ARHGAP44: variants seen among roughly 807,000 people sequenced by gnomAD.
ARHGAP44 encodes the protein rho GTPase-activating protein 44.
ARHGAP44 carries 43 observed loss-of-function variants against 106.8 expected under a neutral mutation model. The observed-to-expected ratio is 0.40, with a 90% CI of 0.32 to 0.52. The LOEUF (loss-of-function observed/expected upper bound fraction) is 0.52. ARHGAP44 is among the 20% of genes least tolerant of loss of function. The pLI, the probability that ARHGAP44 is intolerant of heterozygous loss-of-function variation, is 0.48. For synonymous variants in ARHGAP44, 439 were observed against 410.3 expected, an observed-to-expected ratio of 1.07 and a Z score of -0.85; for missense variants, 866 against 1,050.5, an observed-to-expected ratio of 0.82 and a Z score of 2.43.
At chr17:12,932,707 T>A (rs1213085737) in intron 7 of ARHGAP44, among the ~76,000 whole-genome samples, 1 of 151,814 alleles carries the variant, frequency 6.6e-6, no homozygotes, top group African/African-American at 2.4e-5. Context: ...GGTTTCTTTC[T>A]TTCTTTTTTT....
intron 1 of ARHGAP44, among the ~76,000 whole-genome samples, chr17:12,857,175 G>T (rs957794142): frequency 1.3e-5 from 2 of 152,194 alleles, no homozygotes; most frequent in Non-Finnish European, 1.5e-5. Flanking sequence ...GCTTGTTCAT[G>T]TGCAAGGATC....
chr17:12,868,624 T>C (rs1195645339), intron 1 of ARHGAP44, among the ~76,000 whole-genome samples: 1 of 131,358 alleles, frequency 7.6e-6, no homozygotes, highest in Non-Finnish European at 1.6e-5. Context: ...TATATATATA[T>C]ATATATATGA....
intron 1 of ARHGAP44, among the ~76,000 whole-genome samples, chr17:12,811,195 C>A (rs1053499174): frequency 6.6e-6 from 1 of 151,642 alleles, no homozygotes; most frequent in African/African-American, 2.4e-5. Context: ...CGCCTGTAGT[C>A]CCAGCTACTT....
intron 6 of ARHGAP44, among the ~76,000 whole-genome samples, chr17:12,920,726 C>T (rs1033042604): frequency 6.6e-6 from 1 of 152,190 alleles, no homozygotes; most frequent in African/African-American, 2.4e-5. Context: ...CTCACCTTTT[C>T]CTGAAGCTGA....
intron 19 of ARHGAP44, among the ~76,000 whole-genome samples, chr17:12,980,508 A>G (rs969334089): frequency 9.9e-5 from 15 of 152,176 alleles, no homozygotes; most frequent in Admixed American, 2.6e-4. Context: ...ATTGTCCACA[A>G]TGATGTGTGT....
At chr17:12,847,512 C>CTTTTTTTTTT (rs58514182) in intron 1 of ARHGAP44, among the ~76,000 whole-genome samples, 2 of 125,488 alleles carry the variant, frequency 1.6e-5, no homozygotes, top group African/African-American at 6.5e-5. Flanking sequence ...TACCATCACT[C>CTTTTTTTTTT]TTTTTTTTTT....
intron 12 of ARHGAP44, among the ~76,000 whole-genome samples, chr17:12,951,232 T>C (rs536668657): frequency 7.2e-5 from 11 of 152,356 alleles, no homozygotes; most frequent in Admixed American, 2.0e-4. Flanking sequence ...TTTTAACTCC[T>C]GTAATTTTGA....
chr17:12,858,652 C>T (rs2035978056), intron 1 of ARHGAP44, among the ~76,000 whole-genome samples: 2 of 152,106 alleles, frequency 1.3e-5, no homozygotes, highest in Admixed American at 6.5e-5. Flanking sequence ...AGGACCTAAT[C>T]CCCCAGTATC....
At chr17:12,852,179 C>T (rs114636816) in intron 1 of ARHGAP44, among the ~76,000 whole-genome samples, 169 of 137,554 alleles carry the variant, frequency 1.2e-3, no homozygotes, top group African/African-American at 4.4e-3. Context: ...ACCACCCTCC[C>T]CTAAGATTAG....
At chr17:12,849,401 T>A (rs2035671243) in intron 1 of ARHGAP44, among the ~76,000 whole-genome samples, 1 of 152,054 alleles carries the variant, frequency 6.6e-6, no homozygotes, top group Non-Finnish European at 1.5e-5. Context: ...TGCCTGGTAT[T>A]TTGAATGCTT....
intron 1 of ARHGAP44, among the ~76,000 whole-genome samples, chr17:12,847,218 A>G (rs1457850574): frequency 6.6e-6 from 1 of 152,232 alleles, no homozygotes; most frequent in Admixed American, 6.5e-5. Flanking sequence ...TGATTGGCAA[A>G]TGGAGGAACT....
chr17:12,932,756 G>T (rs2038438582), intron 7 of ARHGAP44, among the ~76,000 whole-genome samples: 2 of 147,900 alleles, frequency 1.4e-5, no homozygotes, highest in African/African-American at 2.5e-5. Context: ...AGCATCATTT[G>T]TTAAATAAGC....
At chr17:12,843,224 A>G (rs1044892408) in intron 1 of ARHGAP44, among the ~76,000 whole-genome samples, 1 of 152,064 alleles carries the variant, frequency 6.6e-6, no homozygotes, top group African/African-American at 2.4e-5. Context: ...AACTCTTTCT[A>G]ATGCTAAACC....
At chr17:12,836,087 C>T (rs1256662745) in intron 1 of ARHGAP44, among the ~76,000 whole-genome samples, 1 of 152,124 alleles carries the variant, frequency 6.6e-6, no homozygotes, top group Non-Finnish European at 1.5e-5. Flanking sequence ...GTGAATAATG[C>T]TGCTATGAAT....
intron 10 of ARHGAP44, 48 bp downstream of exon 10, chr17:12,944,244 C>G (rs1219152053): frequency 1.3e-6 from 2 of 1,543,732 alleles, no homozygotes; most frequent in African/African-American, 2.7e-5. Context: ...TCTCCTCTTC[C>G]ACGAGACAGA....
At chr17:12,827,213 A>G (rs1317738626) in intron 1 of ARHGAP44, among the ~76,000 whole-genome samples, 1 of 152,156 alleles carries the variant, frequency 6.6e-6, no homozygotes. Context: ...CTTATAAAAT[A>G]TGTATTGTTG....
At chr17:12,862,996 T>TAA (rs140382621) in intron 1 of ARHGAP44, among the ~76,000 whole-genome samples, 120 of 141,908 alleles carry the variant, frequency 8.5e-4, no homozygotes, top group African/African-American at 3.0e-3. Flanking sequence ...AAAAATAAAA[T>TAA]AAAAAAAAAG....
intron 18 of ARHGAP44, among the ~76,000 whole-genome samples, chr17:12,977,351 C>G (rs1162377699): frequency 1.3e-5 from 2 of 152,180 alleles, no homozygotes; most frequent in East Asian, 3.9e-4. Flanking sequence ...GATGTTCCCT[C>G]GAGTGGCCGG....
intron 1 of ARHGAP44, among the ~76,000 whole-genome samples, chr17:12,838,244 A>G (rs1171683986): frequency 2.0e-5 from 3 of 152,258 alleles, no homozygotes; most frequent in Non-Finnish European, 4.4e-5. Flanking sequence ...CCCAGAAAAT[A>G]TAGTAAGAAA....
Sources: allele counts gnomAD v4.1 joint callset (sites outside exome capture counted in the v4.1 genomes callset), GRCh38; gene constraint gnomAD v4.1.1; transcripts MANE v1.5; gene names NCBI Gene and HGNC (gene_info 2026-07-23, HGNC 2026-07-21).